The following ST6GALNAC1 variants were observed in gnomAD, a reference collection of about 807,000 sequenced individuals.
ST6GALNAC1 encodes alpha-N-acetylgalactosaminide alpha-2,6-sialyltransferase 1.
In ST6GALNAC1, 45 loss-of-function variants were observed where a neutral mutation model predicts 56.8. The ratio of observed to expected loss-of-function variants is 0.79; its 90% CI spans 0.62 to 1.02. ST6GALNAC1 has a LOEUF of 1.02. ST6GALNAC1 is among the 50% of genes least tolerant of loss of function. The probability of loss-of-function intolerance (pLI) is 0.00; values close to 1 mark genes in which losing one functional copy is unlikely to be tolerated. For synonymous variants in ST6GALNAC1, 295 were observed against 297.8 expected (o/e 0.99, Z 0.10); for missense variants, 743 against 754.8 (o/e 0.98, Z 0.18).
intron 1 of ST6GALNAC1, among the ~76,000 whole-genome samples, chr17:76,637,257 A>T (rs1365702209): frequency 7.4e-6 from 1 of 135,246 alleles, no homozygotes; most frequent in Non-Finnish European, 1.6e-5. Flanking sequence ...ACACCCAAGA[A>T]TGATCAATAA....
chr17:76,624,938 A>G lies in ST6GALNAC1; in HGVS notation c.*392T>C, dbSNP rs933953544. Reference sequence around the variant, plus strand: ...AGACAATCTGTAGTGAAGTTAAGTAATACCTTCAAGATTTCACAACTGTAA... The same window carrying G: ...AGACAATCTGTAGTGAAGTTAAGTAGTACCTTCAAGATTTCACAACTGTAA... On this transcript the variant is annotated 3_prime_UTR_variant, in exon 9 of 9. Coordinates refer to ENST00000156626, the MANE Select transcript of ST6GALNAC1 (RefSeq NM_018414.5). 8.2e-6 allele frequency: 2 copies of G among 242,596 alleles called. No homozygotes were observed. The highest frequency in any genetic ancestry group is 4.6e-5 in the African/African-American group (2 of 43,840). 15.0% of individuals were successfully genotyped at this position (242,596 alleles called of 1,614,324 possible). A position where few individuals can be genotyped will look rare whatever the true frequency, so the allele number is the denominator to read the frequency against.
chr17:76,630,888 ATTTTTTT>A (rs939007475), intron 1 of ST6GALNAC1, among the ~76,000 whole-genome samples: 31 of 123,360 alleles, frequency 2.5e-4, no homozygotes, highest in Non-Finnish European at 3.6e-4. Context: ...ACCGCGCCCA[ATTTTTTT>A]TTTTTTTTTT....
chr17:76,627,081 G>A lies in ST6GALNAC1; in HGVS notation c.1158C>T (p.His386=), dbSNP rs527809877. The A allele has an allele frequency of 5.0e-5, 78 of 1,556,470 alleles. No homozygotes were observed. The highest frequency in any genetic ancestry group is 3.5e-4 in the Middle Eastern group (2 of 5,716). ...GGACAGCTTACCGGAACACGTAGTC[G>A]TGACTGTCTATCTCCTGGCCCATGT... is the stretch of plus-strand genomic sequence containing the variant. The part of the protein sequence containing the change: ...NSHMGQEIDS[H]DYVFRLSGAL... The change falls in exon 4 of 9, where the codon CAC becomes CAT. Residue 386 remains histidine, a synonymous_variant. Transcript: ENST00000156626. The surrounding 1 kb of genome is among the most constrained non-coding windows in gnomAD (Gnocchi z 4.4).
the ST6GALNAC1 span, among the ~76,000 whole-genome samples, chr17:76,618,507 A>G: frequency 6.6e-6 from 1 of 152,084 alleles, no homozygotes; most frequent in Non-Finnish European, 1.5e-5. Flanking sequence ...GCTGGGCACA[A>G]TGGCTCATGT....
chr17:76,626,355 TC>T lies in ST6GALNAC1; in HGVS notation c.1348del (p.Asp450ThrfsTer10), dbSNP rs1341126941. 1.2e-6 allele frequency: 2 copies of T among 1,614,116 alleles called. No homozygotes were observed. On this transcript the variant is annotated frameshift_variant, in exon 6 of 9. Coordinates refer to ENST00000156626, the MANE Select transcript of ST6GALNAC1 (RefSeq NM_018414.5). LOFTEE classifies it high-confidence loss of function. ...RYLHFLEGTR[D>X]YEWLEALLMN... ...AAGCAGTGCTTCCAGCCACTCATAG[TC>T]CCGGGTGCCTTCCAGGAAGTGCAAG...
chr17:76,633,309 G>A (rs1301577510), intron 1 of ST6GALNAC1, among the ~76,000 whole-genome samples: 3 of 151,884 alleles, frequency 2.0e-5, no homozygotes, highest in Non-Finnish European at 4.4e-5. Flanking sequence ...TCGGGAGTTC[G>A]AGACCAGCCT....
downstream of ST6GALNAC1, among the ~76,000 whole-genome samples, chr17:76,624,083 C>T (rs529085536): frequency 6.2e-4 from 95 of 152,292 alleles, no homozygotes; most frequent in Non-Finnish European, 1.3e-3. Context: ...ACCTGCCGCC[C>T]GGAGCTGGCA....
At chr17:76,620,454 A>G (rs150257078), downstream of ST6GALNAC1, among the ~76,000 whole-genome samples, 705 of 152,300 alleles carry the variant, frequency 4.6e-3, 9 homozygotes, top group African/African-American at 0.016. Flanking sequence ...GCAAAAAGGT[A>G]TACTGGGAGT....
intron 1 of ST6GALNAC1, among the ~76,000 whole-genome samples, chr17:76,642,515 C>T (rs2076061949): frequency 6.6e-6 from 1 of 152,160 alleles, no homozygotes; most frequent in Middle Eastern, 3.2e-3. Flanking sequence ...CAAGAGTGGT[C>T]ACCTTGAAGA....
At position 76,643,550 on chromosome 17, in the gene ST6GALNAC1, G is replaced by T. The variant is rs763320169; in HGVS notation, c.89C>A (p.Ala30Asp). Residue 30 changes from alanine (A) to aspartate (D), a missense_variant, in exon 1 of 9, where the codon GCC becomes GAC. Coordinates refer to ENST00000156626, the MANE Select transcript of ST6GALNAC1 (RefSeq NM_018414.5). ...AGGCTCCTTAATAAAAGAGGGCAAG[G>T]CGAAGAGAAAGAAGACCAGGACAGC... ...LLAVLVFFLF[A>D]LPSFIKEPQT... 1 of 1,614,122 alleles carries T rather than the reference G, an allele frequency of 6.2e-7. No homozygotes were observed. Among genetic ancestry groups the T allele is most frequent in the Admixed American group, 1.7e-5 (1 of 60,026 alleles).
intron 1 of ST6GALNAC1, 58 bp from the exon 2 acceptor site, chr17:76,629,769 A>T (rs913704185): frequency 5.4e-6 from 7 of 1,306,784 alleles, no homozygotes; most frequent in Non-Finnish European, 7.4e-6. Context: ...GGTCAGAAGC[A>T]TAAGTAGTTT....
At chr17:76,635,901 T>A (rs1337412739) in intron 1 of ST6GALNAC1, among the ~76,000 whole-genome samples, 3 of 152,156 alleles carry the variant, frequency 2.0e-5, no homozygotes, top group Non-Finnish European at 2.9e-5. Flanking sequence ...ATATTAGTCA[T>A]ACGTGTGCGA....
chr17:76,623,535 T>G (rs747209367), downstream of ST6GALNAC1, among the ~76,000 whole-genome samples: 1 of 152,110 alleles, frequency 6.6e-6, no homozygotes, highest in Non-Finnish European at 1.5e-5. Flanking sequence ...CTTTCAGGAG[T>G]GTTAATGTTT....
the ST6GALNAC1 span, among the ~76,000 whole-genome samples, chr17:76,617,539 G>A: frequency 6.6e-6 from 1 of 152,144 alleles, no homozygotes; most frequent in African/African-American, 2.4e-5. Flanking sequence ...GGATGGAATG[G>A]GGGTAAAATG....
chr17:76,638,642 A>T (rs11658682), intron 1 of ST6GALNAC1, among the ~76,000 whole-genome samples: 42,341 of 151,968 alleles, frequency 0.28, 6,705 homozygotes, highest in African/African-American at 0.44. Flanking sequence ...GTACTGTGGC[A>T]TGCTCTCGGC....
chr17:76,620,161 C>T (rs1337879312), downstream of ST6GALNAC1, among the ~76,000 whole-genome samples: 2 of 151,984 alleles, frequency 1.3e-5, no homozygotes, highest in Non-Finnish European at 2.9e-5. Flanking sequence ...CTGCCTCAGC[C>T]TCATGAGTAG....
chr17:76,637,272 T>TAAAAAAAAAAAAAAAAA (rs771644279), intron 1 of ST6GALNAC1, among the ~76,000 whole-genome samples: 1 of 18,170 alleles, frequency 5.5e-5, no homozygotes, highest in Non-Finnish European at 9.3e-5. Flanking sequence ...CAATAAATAC[T>TAAAAAAAAAAAAAAAAA]AAAAAAAAAA....
chr17:76,639,636 TAAACACACACACACACA>T (rs2076019881), intron 1 of ST6GALNAC1, among the ~76,000 whole-genome samples: 1 of 110,152 alleles, frequency 9.1e-6, no homozygotes, highest in African/African-American at 3.9e-5. Flanking sequence ...AATTACATGA[TAAACACACACACACACA>T]CACACACACA....
At chr17:76,630,822 C>G (rs1306554509) in intron 1 of ST6GALNAC1, among the ~76,000 whole-genome samples, 1 of 150,478 alleles carries the variant, frequency 6.6e-6, no homozygotes, top group Non-Finnish European at 1.5e-5. Context: ...ATCTCTTGAT[C>G]TCGTGATCTG....
Sources: gnomAD v4.1 joint callset for allele counts (sites outside exome capture counted in the v4.1 genomes callset) on GRCh38, gnomAD v4.1.1 for gene constraint, Gnocchi (gnomAD v3.1) non-coding constraint, MANE v1.5 for transcripts, NCBI Gene and HGNC (gene_info 2026-07-23, HGNC 2026-07-21) for gene names.